The following GLI3 variants were observed in gnomAD, a reference collection of about 807,000 sequenced individuals.
GLI3 encodes the protein transcription activator GLI3.
Under a neutral mutation model 100.8 loss-of-function variants are expected in GLI3, and 20 were observed. The ratio of observed to expected loss-of-function variants is 0.20; its 90% confidence interval spans 0.14 to 0.29. The LOEUF (loss-of-function observed/expected upper bound fraction) is 0.29. Among genes scored for constraint, GLI3 ranks in the 10% least tolerant of loss-of-function variants. The pLI, the probability that GLI3 is intolerant of heterozygous loss-of-function variation, is 1.00. For synonymous variants in GLI3, 938 were observed against 860.5 expected (o/e 1.09, Z -1.58); for missense variants, 2,040 against 2,128.5 (o/e 0.96, Z 0.82).
At chr7:42,238,751 G>A (rs1435613015), upstream of GLI3, among the ~76,000 whole-genome samples, 2 of 152,258 alleles carry the variant, frequency 1.3e-5, no homozygotes, top group African/African-American at 4.8e-5. Flanking sequence ...CTTAAAAAAG[G>A]AGTTCTCGGG....
At chr7:42,132,565 C>T (rs1786318230) in intron 3 of GLI3, among the ~76,000 whole-genome samples, 1 of 151,916 alleles carries the variant, frequency 6.6e-6, no homozygotes, top group Non-Finnish European at 1.5e-5. Context: ...ATAGTCATCG[C>T]ATATAGAAAA....
chr7:42,002,055 GACACACACACAC>G (rs36214762), intron 10 of GLI3, among the ~76,000 whole-genome samples: 79,412 of 150,390 alleles, frequency 0.53, 22,616 homozygotes, highest in African/African-American at 0.77. Context: ...AACATGGCAA[GACACACACACAC>G]ACACACACAC....
rs2128703636 is a variant in GLI3, at chr7:41,961,764, C to A, written c.*2566G>T. On this transcript the variant is annotated 3_prime_UTR_variant, in exon 15 of 15. Coordinates refer to ENST00000395925, the MANE Select transcript of GLI3 (RefSeq NM_000168.6). ...GCCTACAGAGATCCCAAAAGGATGT[C>A]CCAAAAAGATGCTTCTAAGTGACCT... 6.6e-6 allele frequency: 1 copy of A among 152,172 alleles called. No individual in the cohort carries two copies. Among genetic ancestry groups the A allele is most frequent in the East Asian group, 1.9e-4 (1 of 5,160 alleles). The allele number at this position is 152,172 out of a possible 1,614,324, so 9.4% of individuals were successfully genotyped here.
chr7:42,241,054 A>G (rs1364964657), upstream of GLI3, among the ~76,000 whole-genome samples: 1 of 152,202 alleles, frequency 6.6e-6, no homozygotes, highest in Non-Finnish European at 1.5e-5. Context: ...TCCACCTCCA[A>G]TTGACTTAAG....
intron 3 of GLI3, among the ~76,000 whole-genome samples, chr7:42,135,748 A>ATAAAC (rs1786413328): frequency 6.6e-6 from 1 of 152,150 alleles, no homozygotes; most frequent in Non-Finnish European, 1.5e-5. Flanking sequence ...CAACCTCTTC[A>ATAAAC]TCATGCTTAA....
Position 41,961,097 on chromosome 7 carries a change from A to G in GLI3, c.*3233T>C, listed in dbSNP as rs917184632. The G allele has an allele frequency of 3.9e-5, 6 of 152,606 alleles. No homozygotes were observed. The highest frequency in any genetic ancestry group is 8.8e-5 in the Non-Finnish European group (6 of 68,036). 9.5% of individuals were successfully genotyped at this position (152,606 alleles called of 1,614,324 possible). A position where few individuals can be genotyped will look rare whatever the true frequency, so the allele number is the denominator to read the frequency against. On this transcript the variant is annotated 3_prime_UTR_variant, in exon 15 of 15. Transcript: ENST00000395925. ...CTTGAGGTGGGCGTGATCACGGGGA[A>G]TGCAGGCTTGTCCGAGGAACGCCTG...
chr7:42,208,912 C>T (rs1309171559), intron 2 of GLI3, among the ~76,000 whole-genome samples: 2 of 152,176 alleles, frequency 1.3e-5, no homozygotes, highest in Non-Finnish European at 2.9e-5. Flanking sequence ...AGAAAACACA[C>T]ATTTCAGATT....
At position 42,085,005 on chromosome 7, in the gene GLI3, G is replaced by A. The variant is rs573816610; in HGVS notation, c.368-8148C>T. 4.5e-3 allele frequency among the ~76,000 whole-genome samples: 661 copies of A among 147,370 alleles called. 2 individuals are homozygous for A. Among genetic ancestry groups the A allele is most frequent in the Non-Finnish European group, 7.1e-3 (477 of 67,408 alleles). ...CAGCTCACTGCAACCTCCACCTCCC[G>A]GGTTCAAGCGATTCTCGTGCCTCAG... On this transcript the variant is annotated intron_variant, in intron 3 of 14. Transcript: ENST00000395925.
chr7:42,057,018 A>T (rs1784477384), intron 4 of GLI3, among the ~76,000 whole-genome samples: 1 of 151,502 alleles, frequency 6.6e-6, no homozygotes, highest in Non-Finnish European at 1.5e-5. Context: ...TTCTGAGTAT[A>T]AAAGGACTTA....
intron 10 of GLI3, among the ~76,000 whole-genome samples, chr7:41,980,944 G>A (rs747173467): frequency 6.6e-6 from 1 of 152,170 alleles, no homozygotes; most frequent in Non-Finnish European, 1.5e-5. Flanking sequence ...CATTATGAAG[G>A]GAGATAACAG....
chr7:42,200,403 A>G (rs1788013979), intron 2 of GLI3, among the ~76,000 whole-genome samples: 1 of 152,350 alleles, frequency 6.6e-6, no homozygotes, highest in Middle Eastern at 3.4e-3. Context: ...TTGAGGCCTT[A>G]TCCTTCAAAT....
intron 2 of GLI3, among the ~76,000 whole-genome samples, chr7:42,166,895 G>A (rs1454862636): frequency 1.4e-5 from 2 of 140,896 alleles, no homozygotes; most frequent in African/African-American, 2.7e-5. Flanking sequence ...AGGTGATCTC[G>A]GCTCACTGCA....
intron 1 of GLI3, among the ~76,000 whole-genome samples, chr7:42,243,117 G>A (rs189968077): frequency 4.6e-4 from 70 of 152,178 alleles, no homozygotes; most frequent in African/African-American, 1.6e-3. Flanking sequence ...TCAAGACCAG[G>A]TGAACTGGTA....
At chr7:42,229,132 C>A (rs983347683) in intron 1 of GLI3, among the ~76,000 whole-genome samples, 2 of 152,170 alleles carry the variant, frequency 1.3e-5, no homozygotes, top group Non-Finnish European at 2.9e-5. Context: ...AGGGTGAAGT[C>A]GAACAGCATC....
intron 1 of GLI3, among the ~76,000 whole-genome samples, chr7:42,232,134 C>G (rs988027111): frequency 2.6e-5 from 4 of 152,050 alleles, no homozygotes; most frequent in African/African-American, 9.7e-5. Context: ...GCCCCCTCCC[C>G]TCTTAAAAAA....
intron 4 of GLI3, among the ~76,000 whole-genome samples, chr7:42,058,657 A>T (rs1784509000): frequency 6.6e-6 from 1 of 152,198 alleles, no homozygotes; most frequent in Non-Finnish European, 1.5e-5. Flanking sequence ...TGGAGGGGGC[A>T]GGGGCTACCG....
chr7:42,032,849 C>T (rs1386477981), intron 7 of GLI3, among the ~76,000 whole-genome samples: 1 of 152,138 alleles, frequency 6.6e-6, no homozygotes, highest in African/African-American at 2.4e-5. Flanking sequence ...AAGGTAAAAG[C>T]TACTATTTTA....
intron 5 of GLI3, 103 bp from the exon 6 acceptor site, chr7:42,045,633 C>T: frequency 2.1e-6 from 2 of 968,024 alleles, no homozygotes; most frequent in Non-Finnish European, 3.2e-6. Context: ...ATCAGCAATT[C>T]CTTTTATGGC....
chr7:42,051,790 T>A (rs1463692640), intron 4 of GLI3, among the ~76,000 whole-genome samples: 1 of 152,130 alleles, frequency 6.6e-6, no homozygotes. Context: ...CCTGTCATTA[T>A]CAACATCTTC....
Sources: allele counts gnomAD v4.1 joint callset (sites outside exome capture counted in the v4.1 genomes callset), GRCh38; gene constraint gnomAD v4.1.1; transcripts MANE v1.5; gene names NCBI Gene and HGNC (gene_info 2026-07-23, HGNC 2026-07-21).